The following MAP4K5 variants were observed in gnomAD, a reference collection of about 807,000 sequenced individuals.
MAP4K5 encodes the protein MAPK/ERK kinase kinase kinase 5.
In MAP4K5, 82 loss-of-function variants were observed where a neutral mutation model predicts 135.6. The ratio of observed to expected loss-of-function variants is 0.60; its 90% CI spans 0.51 to 0.73. The LOEUF (loss-of-function observed/expected upper bound fraction) is 0.73, where lower values mean the gene tolerates loss of function less well. Ranked by LOEUF, MAP4K5 falls within the 30% of genes least tolerant of loss-of-function variation. MAP4K5 has a pLI of 0.00. For missense variants in MAP4K5, 907 were observed against 1,010.9 expected (o/e 0.90, Z 1.39); for synonymous variants, 347 against 335.0 (o/e 1.04, Z -0.39).
intron 5 of MAP4K5, chr14:50,482,791 A>C (rs1009319021): frequency 6.3e-6 from 1 of 158,072 alleles, no homozygotes; most frequent in Non-Finnish European, 1.4e-5. Context: ...AAAACAAAAA[A>C]ACAAAACAAA....
At chr14:50,542,105 A>C (rs1429439213) in intron 2 of MAP4K5, among the ~76,000 whole-genome samples, 1 of 145,788 alleles carries the variant, frequency 6.9e-6, no homozygotes, top group African/African-American at 2.5e-5. Context: ...CTCTTGATTT[A>C]CTTCTAGGTC....
chr14:50,529,722 A>G (rs2038345700), intron 2 of MAP4K5, among the ~76,000 whole-genome samples: 2 of 152,220 alleles, frequency 1.3e-5, no homozygotes, highest in Admixed American at 1.3e-4. Context: ...ATGTGAAAAA[A>G]AGGAGGAAGG....
At chr14:50,477,158 C>T (rs1030091647) in intron 6 of MAP4K5, among the ~76,000 whole-genome samples, 4 of 152,088 alleles carry the variant, frequency 2.6e-5, no homozygotes, top group African/African-American at 7.2e-5. Context: ...TAATTTCTTT[C>T]AGGAGTTTTG....
chr14:50,434,978 T>C lies in MAP4K5; in HGVS notation c.1970A>G (p.Lys657Arg). The C allele has an allele frequency of 6.2e-7, 1 of 1,604,098 alleles. No individual in the cohort carries two copies. The highest frequency in any genetic ancestry group is 8.5e-7 in the Non-Finnish European group (1 of 1,172,596). Residue 657 changes from lysine (K) to arginine (R), a missense_variant, in exon 27 of 33, where the codon AAA (lysine) becomes AGA (arginine). By Grantham distance (26) the Lys-to-Arg change is conservative. Transcript: ENST00000682126. ...AATATATACCTTTATCAACATGAATTTCTGCATTGGCTCATACCACTGAAG... is the reference window on the plus strand; with the variant it reads ...AATATATACCTTTATCAACATGAATCTCTGCATTGGCTCATACCACTGAAG... ...VLLQWYEPMQ[K>R]FMLIKHFDFP...
chr14:50,436,859 C>T (rs186446885), intron 26 of MAP4K5, among the ~76,000 whole-genome samples: 49 of 152,242 alleles, frequency 3.2e-4, no homozygotes, highest in Admixed American at 9.2e-4. Flanking sequence ...TACTTCTTCC[C>T]TTGGCTGATT....
chr14:50,443,200 G>A (rs918016745), intron 20 of MAP4K5, among the ~76,000 whole-genome samples: 6 of 152,034 alleles, frequency 3.9e-5, no homozygotes, highest in Non-Finnish European at 7.4e-5. Flanking sequence ...AGTCATAAGA[G>A]ACAAAAAGGT....
At chr14:50,480,882 A>T (rs1014581883) in intron 6 of MAP4K5, among the ~76,000 whole-genome samples, 4 of 152,294 alleles carry the variant, frequency 2.6e-5, no homozygotes, top group Admixed American at 1.3e-4. Flanking sequence ...GTGTATCTAA[A>T]CATATCTAAG....
In MAP4K5 at chr14:50,434,430, T is replaced by C; in HGVS notation, c.2128A>G (p.Asn710Asp). Reference protein sequence around the residue: ...QVVQFETINLNSASSWFTEIG... With the variant: ...QVVQFETINLDSASSWFTEIG... ...TCTGTAAACCATGAAGATGCAGAGT[T>C]CAAATTGATTGTCTCAAACTGAACT... is the stretch of plus-strand genomic sequence containing the variant. The change falls in exon 28 of 33, where the codon AAC becomes GAC. Residue 710 changes from asparagine to aspartate, a missense_variant. Transcript: ENST00000682126. 1 of 1,610,038 alleles carries C rather than the reference T, an allele frequency of 6.2e-7. No homozygotes were observed. The highest frequency in any genetic ancestry group is 8.5e-7 in the Non-Finnish European group (1 of 1,178,022).
chr14:50,498,297 G>A (rs2037636482), intron 3 of MAP4K5, among the ~76,000 whole-genome samples: 1 of 152,176 alleles, frequency 6.6e-6, no homozygotes, highest in South Asian at 2.1e-4. Context: ...CTAATCACTG[G>A]TAAGTCAAAC....
At chr14:50,463,318 A>G (rs984777394) in intron 12 of MAP4K5, among the ~76,000 whole-genome samples, 1 of 152,250 alleles carries the variant, frequency 6.6e-6, no homozygotes, top group African/African-American at 2.4e-5. Flanking sequence ...TATTCTATAA[A>G]TTTACATTAG....
intron 2 of MAP4K5, among the ~76,000 whole-genome samples, chr14:50,528,459 A>G (rs956397543): frequency 6.6e-6 from 1 of 150,712 alleles, no homozygotes; most frequent in Non-Finnish European, 1.5e-5. Flanking sequence ...GCTCACACCT[A>G]TTAATCCCAG....
At chr14:50,431,382 C>A (rs1190397131) in intron 28 of MAP4K5, among the ~76,000 whole-genome samples, 1 of 152,158 alleles carries the variant, frequency 6.6e-6, no homozygotes, top group Admixed American at 6.5e-5. Context: ...AGGTATATCT[C>A]CCAATGCTAT....
At chr14:50,546,795 C>T (rs923535814) in intron 1 of MAP4K5, among the ~76,000 whole-genome samples, 1 of 151,312 alleles carries the variant, frequency 6.6e-6, no homozygotes, top group South Asian at 2.1e-4. Flanking sequence ...ATGAAAGTAA[C>T]AAAATCTTCT....
chr14:50,452,126 A>C (rs1024178311), intron 14 of MAP4K5, among the ~76,000 whole-genome samples: 1 of 152,124 alleles, frequency 6.6e-6, no homozygotes, highest in African/African-American at 2.4e-5. Flanking sequence ...TGGCTGGGCT[A>C]AGTTATGATG....
At chr14:50,549,641 G>A (rs1324211717) in intron 1 of MAP4K5, among the ~76,000 whole-genome samples, 5 of 152,152 alleles carry the variant, frequency 3.3e-5, no homozygotes, top group South Asian at 2.1e-4. Context: ...GGCATGCTAC[G>A]AAGAATATAT....
chr14:50,448,686 C>T (rs1215836551), intron 15 of MAP4K5, 88 bp downstream of exon 15: 4 of 716,256 alleles, frequency 5.6e-6, no homozygotes, highest in Non-Finnish European at 9.2e-6. Flanking sequence ...GAGTATATTA[C>T]TTTGTTTTCT....
At chr14:50,461,575 T>A (rs1443570037) in intron 13 of MAP4K5, among the ~76,000 whole-genome samples, 1 of 152,104 alleles carries the variant, frequency 6.6e-6, no homozygotes, top group Non-Finnish European at 1.5e-5. Flanking sequence ...TACCTGTCAA[T>A]GAAGAGGAAG....
rs1836236169 is a variant in MAP4K5, at chr14:50,418,648, C to T, written c.*1371G>A. On this transcript the variant is annotated 3_prime_UTR_variant, in exon 33 of 33. Coordinates refer to ENST00000682126, the MANE Select transcript of MAP4K5 (RefSeq NM_006575.6). ...GATAGATCTCTTAACCTTGCTAAAC[C>T]CTTACTTCCTCATCTGAAAAATAGA... is the stretch of plus-strand genomic sequence containing the variant. 1 of 152,550 alleles carries T rather than the reference C, an allele frequency of 6.6e-6. No individual in the cohort carries two copies. Among genetic ancestry groups the T allele is most frequent in the African/African-American group, 2.4e-5 (1 of 41,432 alleles). 9.4% of individuals were successfully genotyped at this position (152,550 alleles called of 1,614,324 possible). A position where few individuals can be genotyped will look rare whatever the true frequency, so the allele number is the denominator to read the frequency against.
At chr14:50,522,791 G>A (rs901288217) in intron 2 of MAP4K5, among the ~76,000 whole-genome samples, 2 of 152,092 alleles carry the variant, frequency 1.3e-5, no homozygotes, top group Non-Finnish European at 2.9e-5. Context: ...AAATAAGAAA[G>A]TAGGTGATGT....
Sources: gnomAD v4.1 joint callset for allele counts (sites outside exome capture counted in the v4.1 genomes callset) on GRCh38, gnomAD v4.1.1 for gene constraint, MANE v1.5 for transcripts, NCBI Gene and HGNC (gene_info 2026-07-23, HGNC 2026-07-21) for gene names.